Variants in SPTBN1 observed in about 807,000 individuals in gnomAD.
The protein encoded by SPTBN1 is spectrin beta chain, non-erythrocytic 1.
In SPTBN1, 32 loss-of-function variants were observed where a neutral mutation model predicts 266.4. The ratio of observed to expected loss-of-function variants is 0.12; its 90% CI spans 0.09 to 0.16. The LOEUF (loss-of-function observed/expected upper bound fraction) is 0.16. Among genes scored for constraint, SPTBN1 ranks in the 10% least tolerant of loss-of-function variants. The pLI, the probability that SPTBN1 is intolerant of heterozygous loss-of-function variation, is 1.00. For synonymous variants in SPTBN1, 1,336 were observed against 1,162.2 expected, an observed-to-expected ratio of 1.15 and a Z score of -3.04; for missense variants, 2,296 against 3,067.1, an observed-to-expected ratio of 0.75 and a Z score of 5.94.
intron 14 of SPTBN1, 43 bp from the exon 15 acceptor site, chr2:54,629,849 C>T: frequency 1.2e-6 from 2 of 1,613,048 alleles, no homozygotes; most frequent in Non-Finnish European, 1.7e-6. Context: ...TTGTGACCAC[C>T]AGTGGCCCAG....
intron 2 of SPTBN1, among the ~76,000 whole-genome samples, chr2:54,536,362 A>C (rs1014779240): frequency 6.6e-6 from 1 of 152,248 alleles, no homozygotes; most frequent in Non-Finnish European, 1.5e-5. Context: ...GCTCTCTAGA[A>C]TTTTATTTAA....
intron 2 of SPTBN1, among the ~76,000 whole-genome samples, chr2:54,531,654 G>C (rs923386903): frequency 1.1e-4 from 16 of 151,174 alleles, no homozygotes; most frequent in African/African-American, 3.7e-4. Flanking sequence ...CACTTGTCCA[G>C]TACCAGCTTA....
chr2:54,609,010 T>C (rs1488867618), intron 3 of SPTBN1, among the ~76,000 whole-genome samples: 1 of 152,022 alleles, frequency 6.6e-6, no homozygotes, highest in Non-Finnish European at 1.5e-5. Flanking sequence ...TCACGTTGAG[T>C]AGGCTGAGGA....
intron 32 of SPTBN1, chr2:54,660,392 C>G (rs1489621562): frequency 5.3e-6 from 6 of 1,128,356 alleles, no homozygotes; most frequent in African/African-American, 4.8e-5. Flanking sequence ...AAGAAGAAAA[C>G]TAGAATCTAA....
intron 4 of SPTBN1, among the ~76,000 whole-genome samples, chr2:54,613,146 C>T (rs1034884831): frequency 6.6e-6 from 1 of 152,196 alleles, no homozygotes; most frequent in Non-Finnish European, 1.5e-5. Flanking sequence ...TTTCTCCAGG[C>T]TCATGCTTCG....
intron 2 of SPTBN1, among the ~76,000 whole-genome samples, chr2:54,547,335 A>G (rs1672304461): frequency 6.6e-6 from 1 of 152,244 alleles, no homozygotes; most frequent in Non-Finnish European, 1.5e-5. Flanking sequence ...TTATATGTAT[A>G]TGCCACATTT....
intron 2 of SPTBN1, among the ~76,000 whole-genome samples, chr2:54,589,013 A>C (rs1021170533): frequency 1.3e-5 from 2 of 152,178 alleles, no homozygotes; most frequent in Admixed American, 1.3e-4. Context: ...TGTGATGCTT[A>C]ATAATCACAT....
chr2:54,577,467 A>G (rs745320508), intron 2 of SPTBN1, among the ~76,000 whole-genome samples: 2 of 152,212 alleles, frequency 1.3e-5, no homozygotes, highest in Non-Finnish European at 2.9e-5. Flanking sequence ...GAAAAGGTAT[A>G]TGGATTCTCA....
At chr2:54,465,909 AAAT>A (rs1257979872) in intron 1 of SPTBN1, among the ~76,000 whole-genome samples, 1 of 152,116 alleles carries the variant, frequency 6.6e-6, no homozygotes, top group East Asian at 1.9e-4. Context: ...TAGCTTATAA[AAAT>A]TAATGAATTT....
chr2:54,632,457 G>A, intron 16 of SPTBN1, 109 bp from the exon 17 acceptor site: 2 of 1,128,556 alleles, frequency 1.8e-6, no homozygotes, highest in Admixed American at 4.2e-5. Context: ...ATTATTTCAT[G>A]TAAGTGTAAT....
rs1204073346 is a variant in SPTBN1 at position 54,646,933 on chromosome 2, C to A, written c.4867-198C>A. On this transcript the variant is annotated intron_variant, in intron 23 of 35. Transcript: ENST00000356805. The surrounding 1 kb of genome is among the most constrained non-coding windows in gnomAD (Gnocchi z 4.4). ...CATTCTGCGTTCTCCTTGTGTTTAT[C>A]TTCTGCACAGGCTTCTGTGGTCCAG... Among the ~76,000 whole-genome samples the A allele has an allele frequency of 2.0e-5, 3 of 152,222 alleles. No homozygotes were observed. The highest frequency in any genetic ancestry group is 7.2e-5 in the African/African-American group (3 of 41,456).
chr2:54,631,930 G>T (rs1407565419), intron 16 of SPTBN1, among the ~76,000 whole-genome samples: 1 of 151,950 alleles, frequency 6.6e-6, no homozygotes, highest in African/African-American at 2.4e-5. Context: ...ATACAGTGAG[G>T]GCCAGGCATG....
intron 1 of SPTBN1, among the ~76,000 whole-genome samples, chr2:54,505,988 G>A (rs559718150): frequency 4.7e-4 from 72 of 152,236 alleles, no homozygotes; most frequent in African/African-American, 1.6e-3. Flanking sequence ...GCTGGGCGAG[G>A]TGACGGGTGC....
intron 1 of SPTBN1, among the ~76,000 whole-genome samples, chr2:54,467,353 A>G (rs1315945191): frequency 1.3e-5 from 2 of 152,034 alleles, no homozygotes; most frequent in African/African-American, 4.8e-5. Context: ...ATGTTTAAAC[A>G]TTTTCCACGG....
intron 2 of SPTBN1, among the ~76,000 whole-genome samples, chr2:54,577,269 G>T (rs548073422): frequency 7.9e-5 from 12 of 152,168 alleles, no homozygotes; most frequent in Non-Finnish European, 8.8e-5. Flanking sequence ...AGATTTGAAG[G>T]CCCCTGCAAA....
intron 1 of SPTBN1, among the ~76,000 whole-genome samples, chr2:54,494,885 A>G (rs897493681): frequency 1.5e-4 from 22 of 150,992 alleles, no homozygotes; most frequent in African/African-American, 4.4e-4. Context: ...CACATTGTAT[A>G]TCAGTTATAC....
Position 54,629,075 on chromosome 2 carries a change from G to T in SPTBN1, c.1941G>T (p.Met647Ile). Reference protein sequence around the residue: ...SRRLWKFFWEMAEEEGWIREK... With the variant: ...SRRLWKFFWEIAEEEGWIREK... ...GCCTCTGGAAGTTCTTCTGGGAGAT[G>T]GCAGAAGAGGAAGGCTGGATACGGG... The change falls in exon 14 of 36, where the codon ATG (methionine) becomes ATT (isoleucine). Residue 647 changes from methionine to isoleucine, a missense_variant. This residue lies in a region of SPTBN1 where 434 missense variants were observed against 573.9 expected (regional missense o/e 0.76). Coordinates refer to ENST00000356805, the MANE Select transcript of SPTBN1 (RefSeq NM_003128.3). The T allele has an allele frequency of 6.2e-7, 1 of 1,613,854 alleles. No homozygotes were observed. Among genetic ancestry groups the T allele is most frequent in the Non-Finnish European group, 8.5e-7 (1 of 1,179,988 alleles).
At chr2:54,667,867 A>C (rs1341632591) in intron 35 of SPTBN1, among the ~76,000 whole-genome samples, 2 of 152,162 alleles carry the variant, frequency 1.3e-5, no homozygotes, top group Non-Finnish European at 2.9e-5. Flanking sequence ...CTTAAAGTCG[A>C]TGGAATCTTT....
rs369475168 is a variant in SPTBN1, at chr2:54,645,490, G to A, written c.4494+37G>A. 1.6e-5 allele frequency: 26 copies of A among 1,599,656 alleles called. No homozygotes were observed. Among genetic ancestry groups the A allele is most frequent in the African/African-American group, 1.3e-4 (10 of 74,542 alleles). ...CCTACTGCACACATGGCTTTTCCAC[G>A]AGCCCCCTTGCCTGTGCTAAAGCCC... On this transcript the variant is annotated intron_variant, in intron 21 of 35. Coordinates refer to ENST00000356805, the MANE Select transcript of SPTBN1 (RefSeq NM_003128.3). This position sits in a 1 kb window ranked among gnomAD's most constrained non-coding sequence, Gnocchi z 4.3.
Sources: allele counts gnomAD v4.1 joint callset (sites outside exome capture counted in the v4.1 genomes callset), GRCh38; gene constraint gnomAD v4.1.1; regional missense constraint gnomAD v4.1.1; non-coding constraint Gnocchi (gnomAD v3.1); transcripts MANE v1.5; gene names NCBI Gene and HGNC (gene_info 2026-07-23, HGNC 2026-07-21).